EXOSC10: variants seen among roughly 807,000 people sequenced by gnomAD.
EXOSC10 encodes the protein exosome complex component 10.
In EXOSC10, 94 loss-of-function variants were observed where a neutral mutation model predicts 126.6. The ratio of observed to expected loss-of-function variants is 0.74; its 90% CI spans 0.63 to 0.88. The LOEUF is 0.88. Ranked by LOEUF, EXOSC10 falls within the 40% of genes least tolerant of loss-of-function variation. The probability of loss-of-function intolerance (pLI) is 0.00; values close to 1 mark genes in which losing one functional copy is unlikely to be tolerated. For synonymous variants in EXOSC10, 395 were observed against 400.8 expected (o/e 0.99, Z 0.17); for missense variants, 1,041 against 1,100.5 (o/e 0.95, Z 0.77).
intron 17 of EXOSC10, 71 bp from the exon 18 acceptor site, chr1:11,074,397 G>GC: frequency 9.2e-7 from 1 of 1,086,372 alleles, no homozygotes; most frequent in South Asian, 1.3e-5. Context: ...AAGCAAGAGA[G>GC]CAACAGTTAA....
chr1:11,095,587 G>A lies in EXOSC10; in HGVS notation c.372+171C>T, dbSNP rs549988031. The A allele has an allele frequency of 9.2e-5, 45 of 488,538 alleles. No homozygotes were observed. The East Asian group carries it at 1.4e-3, about 15-fold the overall frequency. The allele number at this position is 488,538 out of a possible 1,614,324, so 30.3% of individuals were successfully genotyped here. ...AAATTAGCCAGGTGTGGTGGCGGGC[G>A]CCTGTAGTCCCAGCTACTTGGGAGG... is the stretch of plus-strand genomic sequence containing the variant. On this transcript the variant is annotated intron_variant, in intron 3 of 24. Transcript: ENST00000376936.
rs200131102 is a variant in EXOSC10 at position 11,083,621 on chromosome 1, AT to A, written c.1090-744del. Among the ~76,000 whole-genome samples, 1,345 of 149,962 alleles carry A rather than the reference AT, an allele frequency of 9.0e-3. 31 individuals are homozygous for A. Among genetic ancestry groups the A allele is most frequent in the African/African-American group, 0.031 (1,246 of 40,510 alleles). On this transcript the variant is annotated intron_variant, in intron 9 of 24. Coordinates refer to ENST00000376936, the MANE Select transcript of EXOSC10 (RefSeq NM_001001998.3). ...GCAGGGTTTTTTTTAAGTTAAAAAAATTTTTTTTTAAATTTATTATTATACT... is the reference window on the plus strand; with the variant it reads ...GCAGGGTTTTTTTTAAGTTAAAAAAATTTTTTTTAAATTTATTATTATACT...
rs1255537872 is a variant in EXOSC10 at position 11,072,105 on chromosome 1, T to C, written c.2224A>G (p.Lys742Glu). Residue 742 changes from lysine to glutamate, a missense_variant, in exon 20 of 25, where the codon AAG becomes GAG. By Grantham distance (56) the Lys-to-Glu change is moderately conservative. Around this residue, in one of 3 missense-constraint regions of EXOSC10, gnomAD observed 388 missense variants for 415.2 expected, o/e 0.93. Transcript: ENST00000376936. ...QKDSKEAVKK[K>E]AAEQTAAREQ... ...GTGTTACCTGTTTGCTCAGCTGCCT[T>C]CTTCTTGACAGCTTCTTTAGAGTCT... The C allele has an allele frequency of 2.5e-6, 4 of 1,613,686 alleles. No homozygotes were observed. Among genetic ancestry groups the C allele is most frequent in the South Asian group, 1.1e-5 (1 of 90,902 alleles).
intron 21 of EXOSC10, among the ~76,000 whole-genome samples, chr1:11,070,437 G>A (rs1025125261): frequency 7.4e-5 from 11 of 148,944 alleles, no homozygotes; most frequent in East Asian, 2.0e-4. Flanking sequence ...AGGGAGGATC[G>A]TTTGAGCCCA....
At chr1:11,089,577 C>T (rs1187469821) in intron 6 of EXOSC10, among the ~76,000 whole-genome samples, 4 of 148,712 alleles carry the variant, frequency 2.7e-5, no homozygotes, top group Non-Finnish European at 5.9e-5. Flanking sequence ...GCTGAGATCG[C>T]GCCATTGTAC....
intron 3 of EXOSC10, among the ~76,000 whole-genome samples, chr1:11,092,927 C>T (rs528822531): frequency 6.6e-6 from 1 of 152,290 alleles, no homozygotes; most frequent in East Asian, 1.9e-4. Flanking sequence ...TTTTGCCCAA[C>T]TGTAGACTAA....
chr1:11,067,773 G>A (rs760870829), intron 24 of EXOSC10, among the ~76,000 whole-genome samples: 8 of 152,156 alleles, frequency 5.3e-5, no homozygotes, highest in Non-Finnish European at 1.2e-4. Flanking sequence ...AGGAACAAGG[G>A]GAATCTGAGT....
intron 23 of EXOSC10, among the ~76,000 whole-genome samples, 186 bp from the exon 24 acceptor site, chr1:11,068,270 G>A (rs923910859): frequency 6.6e-6 from 1 of 152,152 alleles, no homozygotes; most frequent in African/African-American, 2.4e-5. Flanking sequence ...AGGAACAGGA[G>A]CACCCCAAAG....
chr1:11,097,412 A>C (rs535297786), intron 2 of EXOSC10, among the ~76,000 whole-genome samples: 3 of 149,768 alleles, frequency 2.0e-5, no homozygotes, highest in African/African-American at 5.0e-5. Context: ...AATACCTGCT[A>C]CTCTACAAGT....
In EXOSC10 at chr1:11,087,525, A is replaced by T. The variant is rs1324549505; in HGVS notation, c.1012T>A (p.Phe338Ile). 1 of 1,614,140 alleles carries T rather than the reference A, an allele frequency of 6.2e-7. No homozygotes were observed. Among genetic ancestry groups the T allele is most frequent in the Non-Finnish European group, 8.5e-7 (1 of 1,180,030 alleles). Residue 338 changes from phenylalanine (F) to isoleucine (I), a missense_variant, in exon 9 of 25, where the codon TTC becomes ATC. This residue lies in a region of EXOSC10 where 645 missense variants were observed against 656.3 expected (regional missense o/e 0.98). Coordinates refer to ENST00000376936, the MANE Select transcript of EXOSC10 (RefSeq NM_001001998.3). ...CGAAGCTCGAGGGTGTCAATGATGA[A>T]GTCTTCCGTCCGAGTAGAAATTTGC... ...LMQISTRTED[F>I]IIDTLELRSD... is the part of the protein sequence containing the mutation.
Position 11,068,662 on chromosome 1 carries a change from GTTTA to G in EXOSC10, c.2529_2532del (p.Lys844ArgfsTer?). On this transcript the variant is annotated frameshift_variant, in exon 23 of 25. Coordinates refer to ENST00000376936, the MANE Select transcript of EXOSC10 (RefSeq NM_001001998.3). LOFTEE classifies it high-confidence loss of function. ...GTTCTTACCTTGCCAGACGGGGTCT[GTTTA>G]TTTGGATCAAACTGAGAAGAAACTT... 1 of 1,614,182 alleles carries G rather than the reference GTTTA, an allele frequency of 6.2e-7. No homozygotes were observed. Among genetic ancestry groups the G allele is most frequent in the Non-Finnish European group, 8.5e-7 (1 of 1,180,006 alleles).
At chr1:11,082,438 G>T in intron 10 of EXOSC10, 1 of 836,010 alleles carries the variant, frequency 1.2e-6, no homozygotes, top group Non-Finnish European at 1.7e-6. Flanking sequence ...GCAAATACTG[G>T]TGCGGCACCT....
At chr1:11,093,239 T>C (rs892050840) in intron 3 of EXOSC10, among the ~76,000 whole-genome samples, 2 of 152,198 alleles carry the variant, frequency 1.3e-5, no homozygotes, top group East Asian at 1.9e-4. Flanking sequence ...AATTCTAATA[T>C]GATTTAACAG....
chr1:11,085,977 G>C (rs1403250102), intron 9 of EXOSC10, among the ~76,000 whole-genome samples: 9 of 151,882 alleles, frequency 5.9e-5, no homozygotes, highest in African/African-American at 2.2e-4. Flanking sequence ...AAGCCCACTT[G>C]ATCATGGTGG....
intron 15 of EXOSC10, 28 bp downstream of exon 15, chr1:11,077,573 G>A (rs1424224991): frequency 1.2e-6 from 2 of 1,612,748 alleles, no homozygotes; most frequent in East Asian, 2.2e-5. Context: ...TTTCCCTCCT[G>A]GGGGAGAAAA....
intron 6 of EXOSC10, among the ~76,000 whole-genome samples, chr1:11,089,241 A>C (rs1294898039): frequency 6.6e-6 from 1 of 151,474 alleles, no homozygotes; most frequent in East Asian, 1.9e-4. Flanking sequence ...AAAAAAAAAA[A>C]AAAGTGAGCC....
intron 1 of EXOSC10, 55 bp downstream of exon 1, chr1:11,099,666 C>T (rs1641323014): frequency 6.6e-7 from 1 of 1,509,054 alleles, no homozygotes; most frequent in African/African-American, 1.4e-5. Context: ...AGGGCCCAGT[C>T]GGCTTCCGGC....
intron 6 of EXOSC10, 32 bp downstream of exon 6, chr1:11,090,522 C>T (rs763836576): frequency 3.7e-5 from 58 of 1,557,142 alleles, no homozygotes; most frequent in Non-Finnish European, 4.8e-5. Context: ...TAAGTACTCA[C>T]GGCAGAAAGT....
At chr1:11,077,806 A>T (rs541871833) in intron 14 of EXOSC10, among the ~76,000 whole-genome samples, 155 bp from the exon 15 acceptor site, 1 of 152,308 alleles carries the variant, frequency 6.6e-6, no homozygotes, top group Admixed American at 6.5e-5. Context: ...GCCTGGCATG[A>T]TAATTATTTG....
Sources: gnomAD v4.1 joint callset for allele counts (sites outside exome capture counted in the v4.1 genomes callset) on GRCh38, gnomAD v4.1.1 for gene constraint, gnomAD v4.1.1 regional missense constraint, MANE v1.5 for transcripts, NCBI Gene and HGNC (gene_info 2026-07-23, HGNC 2026-07-21) for gene names.